Variants in TPD52L1 observed in about 807,000 individuals in gnomAD.
TPD52L1 encodes the protein tumor protein D53.
Under a neutral mutation model 28.7 loss-of-function variants are expected in TPD52L1, and 18 were observed. That is an observed-to-expected ratio of 0.63 (90% CI 0.43 to 0.93). The LOEUF is 0.93. Among genes scored for constraint, TPD52L1 ranks in the 40% least tolerant of loss-of-function variants. TPD52L1 has a pLI of 0.00. For synonymous variants in TPD52L1, 75 were observed against 88.8 expected (o/e 0.84, Z 0.88); for missense variants, 203 against 254.8 (o/e 0.80, Z 1.39).
At chr6:125,196,773 T>TA (rs893486736) in intron 1 of TPD52L1, among the ~76,000 whole-genome samples, 15 of 152,202 alleles carry the variant, frequency 9.9e-5, no homozygotes, top group African/African-American at 3.6e-4. Flanking sequence ...TACGGACTTA[T>TA]AAGTATGACA....
chr6:125,155,155 A>G (rs2114718905), intron 1 of TPD52L1, among the ~76,000 whole-genome samples: 1 of 152,338 alleles, frequency 6.6e-6, no homozygotes, highest in South Asian at 2.1e-4. Context: ...TATTATGTAG[A>G]TAGGAAATGA....
At chr6:125,186,236 A>G (rs992830158) in intron 1 of TPD52L1, among the ~76,000 whole-genome samples, 1 of 152,198 alleles carries the variant, frequency 6.6e-6, no homozygotes, top group Non-Finnish European at 1.5e-5. Flanking sequence ...TTCTCCGTAA[A>G]GACCAGAGAG....
Position 125,202,580 on chromosome 6 carries a change from G to A in TPD52L1, c.20-17498G>A, listed in dbSNP as rs556071847. Among the ~76,000 whole-genome samples the A allele has an allele frequency of 5.2e-4, 79 of 151,516 alleles. 1 individual carries two copies. In the Middle Eastern group the frequency reaches 0.014, roughly 26 times the overall value. On this transcript the variant is annotated intron_variant, in intron 1 of 6. Transcript: ENST00000534000. ...GGTGTGAGAAGAAGGAGGATGAGGA[G>A]GAGAAGGAGAAGAAGAAGAGATTAC...
Position 125,235,409 on chromosome 6 carries a change from GA to G in TPD52L1, c.284+6151del, listed in dbSNP as rs551124948. 1.2e-3 allele frequency among the ~76,000 whole-genome samples: 187 copies of G among 151,600 alleles called. 1 individual carries two copies. The Middle Eastern group carries it at 0.017, about 14-fold the overall frequency. On this transcript the variant is annotated intron_variant, in intron 3 of 6. Transcript: ENST00000534000. The stretch of plus-strand genomic sequence containing the variant: ...CTAAGGATAGCTGATCAGCTAAAAA[GA>G]AAAAAAAGTTGCAAAAAATAAAAAT...
intron 1 of TPD52L1, among the ~76,000 whole-genome samples, chr6:125,195,611 T>C (rs577547938): frequency 4.6e-5 from 7 of 152,320 alleles, no homozygotes; most frequent in Admixed American, 4.6e-4. Flanking sequence ...ACAAATTGCA[T>C]TGTTGTCTTG....
chr6:125,262,407 C>T (rs1798111579), intron 6 of TPD52L1: 1 of 153,070 alleles, frequency 6.5e-6, no homozygotes, highest in Non-Finnish European at 1.5e-5. Context: ...GCCCTGCTAA[C>T]TCCCAAGTAG....
intron 4 of TPD52L1, 107 bp from the exon 5 acceptor site, chr6:125,253,610 A>T: frequency 1.0e-6 from 1 of 996,778 alleles, no homozygotes; most frequent in East Asian, 2.4e-5. Context: ...AATATTTCAG[A>T]TATTTGGAAT....
chr6:125,222,748 A>G (rs1795328386), intron 2 of TPD52L1, among the ~76,000 whole-genome samples: 1 of 152,142 alleles, frequency 6.6e-6, no homozygotes, highest in African/African-American at 2.4e-5. Flanking sequence ...CATTACCTAC[A>G]TTGTTTTGTA....
At chr6:125,234,192 C>G (rs1796117844) in intron 3 of TPD52L1, among the ~76,000 whole-genome samples, 1 of 152,108 alleles carries the variant, frequency 6.6e-6, no homozygotes, top group Non-Finnish European at 1.5e-5. Flanking sequence ...CCATTGCTGC[C>G]AAAGAAAGGC....
chr6:125,173,872 G>T (rs1291863589), intron 1 of TPD52L1, among the ~76,000 whole-genome samples: 2 of 152,104 alleles, frequency 1.3e-5, no homozygotes, highest in Admixed American at 6.5e-5. Flanking sequence ...AGATGACTGT[G>T]GTCATACAGA....
intron 1 of TPD52L1, among the ~76,000 whole-genome samples, chr6:125,161,155 A>G (rs1244955688): frequency 6.6e-6 from 1 of 152,140 alleles, no homozygotes; most frequent in Non-Finnish European, 1.5e-5. Flanking sequence ...GCCAGGCCTG[A>G]GATGACTTCT....
In TPD52L1 at chr6:125,260,981, GAAAA is replaced by G. The variant is rs1562410350; in HGVS notation, c.487-1852_487-1849del. ...GAAAGAAAGAAAGAAAGAAAGAAAAGAAAAGAAAGAAAGAAAGAAAGAAAGAAAG... is the reference window on the plus strand; with the variant it reads ...GAAAGAAAGAAAGAAAGAAAGAAAAGGAAAGAAAGAAAGAAAGAAAGAAAG... On this transcript the variant is annotated intron_variant, in intron 6 of 6. Coordinates refer to ENST00000534000, the MANE Select transcript of TPD52L1 (RefSeq NM_003287.4). The G allele has an allele frequency of 4.3e-4, 24 of 55,482 alleles. 2 individuals carry two copies. The highest frequency in any genetic ancestry group is 9.1e-3 in the Middle Eastern group (1 of 110). The allele number at this position is 55,482 out of a possible 1,614,324, so 3.4% of individuals were successfully genotyped here.
intron 3 of TPD52L1, among the ~76,000 whole-genome samples, chr6:125,245,151 A>G (rs1285299454): frequency 1.3e-5 from 2 of 152,184 alleles, no homozygotes; most frequent in East Asian, 1.9e-4. Flanking sequence ...AGACTCTATG[A>G]GAATCCTTGG....
rs1260728 is a variant in TPD52L1, at chr6:125,254,924, G to A, written c.425+1169G>A. On this transcript the variant is annotated intron_variant, in intron 5 of 6. Transcript: ENST00000534000. ...TATGAAGGAAGGCTCTTCTACACTGGGGTTATGTGGTTAATTGGTTGATTT... is the reference window on the plus strand; with the variant it reads ...TATGAAGGAAGGCTCTTCTACACTGAGGTTATGTGGTTAATTGGTTGATTT... Among the ~76,000 whole-genome samples the A allele has an allele frequency of 8.8e-3, 1,337 of 152,228 alleles. 8 individuals carry two copies. The highest frequency in any genetic ancestry group is 0.013 in the Non-Finnish European group (898 of 68,016).
intron 1 of TPD52L1, chr6:125,154,581 G>C (rs1789988665): frequency 1.0e-6 from 1 of 974,608 alleles, no homozygotes; most frequent in Admixed American, 6.2e-5. Context: ...CTCCCGTGGC[G>C]CGCGGGGCCC....
At chr6:125,248,555 T>C in intron 4 of TPD52L1, 172 bp downstream of exon 4, 1 of 590,650 alleles carries the variant, frequency 1.7e-6, no homozygotes, top group East Asian at 2.9e-5. Flanking sequence ...ACTGGGACAT[T>C]TTCTGCCTGA....
intron 1 of TPD52L1, chr6:125,203,774 A>G (rs1793943210): frequency 1.0e-6 from 1 of 985,322 alleles, no homozygotes; most frequent in Non-Finnish European, 1.2e-6. Context: ...GAACCACCCC[A>G]TCTGTAAGGA....
Position 125,263,117 on chromosome 6 carries a change from C to T in TPD52L1, c.*155C>T. ...CCCCTCCAGAAAGTTTAATGATTTCCATTTGTATTTGTGTTGATGATGGAC... is the reference window on the plus strand; with the variant it reads ...CCCCTCCAGAAAGTTTAATGATTTCTATTTGTATTTGTGTTGATGATGGAC... On this transcript the variant is annotated 3_prime_UTR_variant, in exon 7 of 7. Transcript: ENST00000534000. 2 of 890,884 alleles carry T rather than the reference C, an allele frequency of 2.2e-6. No individual in the cohort carries two copies. The highest frequency in any genetic ancestry group is 3.3e-6 in the Non-Finnish European group (2 of 608,996). The allele number at this position is 890,884 out of a possible 1,614,324, so 55.2% of individuals were successfully genotyped here.
At chr6:125,226,828 G>A (rs1795638635) in intron 2 of TPD52L1, among the ~76,000 whole-genome samples, 2 of 152,110 alleles carry the variant, frequency 1.3e-5, no homozygotes, top group Non-Finnish European at 2.9e-5. Context: ...ATATTGGGCA[G>A]CAGATTAAAT....
Sources: allele counts gnomAD v4.1 joint callset (sites outside exome capture counted in the v4.1 genomes callset), GRCh38; gene constraint gnomAD v4.1.1; transcripts MANE v1.5; gene names NCBI Gene and HGNC (gene_info 2026-07-23, HGNC 2026-07-21).